The following VAPB variants were observed in gnomAD, a reference collection of about 807,000 sequenced individuals.
The protein encoded by VAPB is VAMP associated protein B and C.
Under a neutral mutation model 25.6 loss-of-function variants are expected in VAPB, and 7 were observed. The ratio of observed to expected loss-of-function variants is 0.27; its 90% CI spans 0.16 to 0.51. VAPB has a LOEUF of 0.51. Among genes scored for constraint, VAPB ranks in the 20% least tolerant of loss-of-function variants. The pLI, the probability that VAPB is intolerant of heterozygous loss-of-function variation, is 0.97. For missense variants in VAPB, 266 were observed against 301.3 expected, an observed-to-expected ratio of 0.88 and a Z score of 0.87; for synonymous variants, 112 against 109.2, an observed-to-expected ratio of 1.03 and a Z score of -0.16.
At chr20:58,414,836 A>G (rs1988497061) in intron 1 of VAPB, among the ~76,000 whole-genome samples, 1 of 152,238 alleles carries the variant, frequency 6.6e-6, no homozygotes, top group South Asian at 2.1e-4. Flanking sequence ...GGCCGGGCAG[A>G]GGCTGCAATC....
At chr20:58,436,668 A>T (rs1321173097) in intron 3 of VAPB, among the ~76,000 whole-genome samples, 1 of 152,176 alleles carries the variant, frequency 6.6e-6, no homozygotes, top group Non-Finnish European at 1.5e-5. Context: ...TTATTGTGAT[A>T]TACAGAAAGT....
chr20:58,434,844 C>T lies in VAPB; in HGVS notation c.315+139C>T, dbSNP rs542474583. Reference sequence around the variant, plus strand: ...TAGTTTTTTTTCAAGGAGGTTTGTACTTTATCTACCTTTATGGTTTTTCTA... The same window carrying T: ...TAGTTTTTTTTCAAGGAGGTTTGTATTTTATCTACCTTTATGGTTTTTCTA... On this transcript the variant is annotated intron_variant, in intron 3 of 5. Coordinates refer to ENST00000475243, the MANE Select transcript of VAPB (RefSeq NM_004738.5). 39 of 616,168 alleles carry T rather than the reference C, an allele frequency of 6.3e-5. No homozygotes were observed. The African/African-American group carries it at 7.1e-4, about 11-fold the overall frequency. The allele number at this position is 616,168 out of a possible 1,614,324, so 38.2% of individuals were successfully genotyped here. A position where few individuals can be genotyped will look rare whatever the true frequency, so the allele number is the denominator to read the frequency against.
chr20:58,415,983 C>G (rs1988531629), intron 1 of VAPB, among the ~76,000 whole-genome samples: 1 of 152,152 alleles, frequency 6.6e-6, no homozygotes, highest in Non-Finnish European at 1.5e-5. Flanking sequence ...TTACAAATAT[C>G]TTGATTTTTA....
At chr20:58,432,821 A>G (rs889727167) in intron 2 of VAPB, among the ~76,000 whole-genome samples, 1 of 152,238 alleles carries the variant, frequency 6.6e-6, no homozygotes, top group Non-Finnish European at 1.5e-5. Context: ...TAAATGTTCC[A>G]GGTCTGTCTG....
chr20:58,439,913 C>T (rs1311895880), intron 4 of VAPB: 1 of 152,226 alleles, frequency 6.6e-6, no homozygotes, highest in Non-Finnish European at 1.5e-5. Context: ...GCATGTGAAA[C>T]TATCCTAGCC....
intron 1 of VAPB, among the ~76,000 whole-genome samples, chr20:58,397,519 C>CAA (rs535438075): frequency 7.1e-4 from 80 of 112,936 alleles, no homozygotes; most frequent in African/African-American, 1.4e-3. Context: ...AACTCTGTCT[C>CAA]AAAAAAAAAA....
intron 2 of VAPB, among the ~76,000 whole-genome samples, chr20:58,420,917 G>A (rs1243057803): frequency 7.2e-5 from 11 of 152,206 alleles, no homozygotes; most frequent in Non-Finnish European, 1.3e-4. Context: ...CCTTTTTCCA[G>A]GAGTCCTCTT....
In VAPB at chr20:58,446,547, T is replaced by C. The variant is rs1419732951; in HGVS notation, c.*2312T>C. 1 of 453,892 alleles carries C rather than the reference T, an allele frequency of 2.2e-6. No homozygotes were observed. The highest frequency in any genetic ancestry group is 4.4e-6 in the Non-Finnish European group (1 of 226,748). The allele number at this position is 453,892 out of a possible 1,614,324, so 28.1% of individuals were successfully genotyped here. A position where few individuals can be genotyped will look rare whatever the true frequency, so the allele number is the denominator to read the frequency against. ...TGTAACAGTTCTTAAAAAGAATATC[T>C]GAGAAACTACTCTGTTTTAGACCTT... is the stretch of plus-strand genomic sequence containing the variant. On this transcript the variant is annotated 3_prime_UTR_variant, in exon 6 of 6. Coordinates refer to ENST00000475243, the MANE Select transcript of VAPB (RefSeq NM_004738.5).
rs187970995 is a variant in VAPB, at chr20:58,395,368, C to G, written c.58+5851C>G. Reference sequence around the variant, plus strand: ...GGTTTCACCATGTTGGCCAGATGGTCTCGATCTCTTGACCTCGTGATCCGC... The same window carrying G: ...GGTTTCACCATGTTGGCCAGATGGTGTCGATCTCTTGACCTCGTGATCCGC... On this transcript the variant is annotated intron_variant, in intron 1 of 5. Transcript: ENST00000475243. 4.3e-3 allele frequency among the ~76,000 whole-genome samples: 655 copies of G among 152,200 alleles called. 9 individuals carry two copies. The highest frequency in any genetic ancestry group is 6.7e-3 in the Non-Finnish European group (453 of 68,004).
At chr20:58,394,986 A>G (rs971595248) in intron 1 of VAPB, among the ~76,000 whole-genome samples, 1 of 152,234 alleles carries the variant, frequency 6.6e-6, no homozygotes, top group Non-Finnish European at 1.5e-5. Flanking sequence ...TGCTGAAGGC[A>G]GAATACTGAG....
intron 1 of VAPB, among the ~76,000 whole-genome samples, chr20:58,392,235 T>C (rs1442756417): frequency 6.6e-6 from 1 of 152,190 alleles, no homozygotes; most frequent in Non-Finnish European, 1.5e-5. Context: ...TGGCTGTTAG[T>C]GGCTTTGTAA....
At position 58,447,946 on chromosome 20, in the gene VAPB, G is replaced by A. The variant is rs1397090846; in HGVS notation, c.*3711G>A. The A allele has an allele frequency of 2.2e-6, 1 of 454,002 alleles. No homozygotes were observed. Among genetic ancestry groups the A allele is most frequent in the Admixed American group, 2.3e-5 (1 of 42,566 alleles). 28.1% of individuals were successfully genotyped at this position (454,002 alleles called of 1,614,324 possible). ...ATTTAACTCCTGAGACCTTCTCGGT[G>A]TAGAGGCCACTGCTTCCCCCTGCTG... is the stretch of plus-strand genomic sequence containing the variant. On this transcript the variant is annotated 3_prime_UTR_variant, in exon 6 of 6. Coordinates refer to ENST00000475243, the MANE Select transcript of VAPB (RefSeq NM_004738.5).
In VAPB at chr20:58,448,515, C is replaced by T. The variant is rs1346331444; in HGVS notation, c.*4280C>T. On this transcript the variant is annotated 3_prime_UTR_variant, in exon 6 of 6. Transcript: ENST00000475243. ...GTTTGCATACGAAGAAATAAAGGCT[C>T]CAGGAGGTTAAATCGGGCAACTTTT... is the stretch of plus-strand genomic sequence containing the variant. 2.2e-6 allele frequency: 1 copy of T among 454,020 alleles called. No homozygotes were observed. Among genetic ancestry groups the T allele is most frequent in the Admixed American group, 2.3e-5 (1 of 42,564 alleles). 28.1% of individuals were successfully genotyped at this position (454,020 alleles called of 1,614,324 possible). A position where few individuals can be genotyped will look rare whatever the true frequency, so the allele number is the denominator to read the frequency against.
intron 1 of VAPB, among the ~76,000 whole-genome samples, chr20:58,400,057 G>C (rs1988060132): frequency 6.6e-6 from 1 of 152,220 alleles, no homozygotes; most frequent in African/African-American, 2.4e-5. Flanking sequence ...TTAGAGATGA[G>C]AGGCCTTTGC....
chr20:58,414,316 G>C (rs1432227485), intron 1 of VAPB, among the ~76,000 whole-genome samples: 2 of 147,090 alleles, frequency 1.4e-5, no homozygotes, highest in Admixed American at 1.3e-4. Flanking sequence ...CTGGCCTGGC[G>C]GGGGGCTGAC....
At chr20:58,398,574 A>G (rs914101547) in intron 1 of VAPB, among the ~76,000 whole-genome samples, 2 of 152,174 alleles carry the variant, frequency 1.3e-5, no homozygotes, top group Non-Finnish European at 2.9e-5. Flanking sequence ...GAAAATGGGG[A>G]CAAGATATTT....
At chr20:58,399,713 C>CAAA (rs11315321) in intron 1 of VAPB, among the ~76,000 whole-genome samples, 5 of 128,398 alleles carry the variant, frequency 3.9e-5, no homozygotes, top group Non-Finnish European at 6.7e-5. Context: ...GAGACCGTCT[C>CAAA]AAAAAAAAAA....
Position 58,449,998 on chromosome 20 carries a change from A to C in VAPB, c.*5763A>C, listed in dbSNP as rs777481900. The stretch of plus-strand genomic sequence containing the variant: ...TAATCAGATATCTTAACACAATTTC[A>C]TCCAGGCTTAGTGCTAACAAGATTG... On this transcript the variant is annotated 3_prime_UTR_variant, in exon 6 of 6. Coordinates refer to ENST00000475243, the MANE Select transcript of VAPB (RefSeq NM_004738.5). 2.9e-5 allele frequency: 13 copies of C among 453,898 alleles called. No homozygotes were observed. The highest frequency in any genetic ancestry group is 4.4e-5 in the Non-Finnish European group (10 of 226,780). 28.1% of individuals were successfully genotyped at this position (453,898 alleles called of 1,614,324 possible).
In VAPB at chr20:58,447,942, C is replaced by T. The variant is rs757694698; in HGVS notation, c.*3707C>T. On this transcript the variant is annotated 3_prime_UTR_variant, in exon 6 of 6. Coordinates refer to ENST00000475243, the MANE Select transcript of VAPB (RefSeq NM_004738.5). The stretch of plus-strand genomic sequence containing the variant: ...TAACATTTAACTCCTGAGACCTTCT[C>T]GGTGTAGAGGCCACTGCTTCCCCCT... 6 of 453,954 alleles carry T rather than the reference C, an allele frequency of 1.3e-5. 1 individual carries two copies. Among genetic ancestry groups the T allele is most frequent in the South Asian group, 7.8e-5 (5 of 64,448 alleles). The allele number at this position is 453,954 out of a possible 1,614,324, so 28.1% of individuals were successfully genotyped here.
Sources: allele counts gnomAD v4.1 joint callset (sites outside exome capture counted in the v4.1 genomes callset), GRCh38; gene constraint gnomAD v4.1.1; transcripts MANE v1.5; gene names NCBI Gene and HGNC (gene_info 2026-07-23, HGNC 2026-07-21).